The following GPHN variants were observed in gnomAD, a reference collection of about 807,000 sequenced individuals.
The protein encoded by GPHN is gephyrin.
GPHN carries 17 observed loss-of-function variants against 95.5 expected under a neutral mutation model. The observed-to-expected ratio is 0.18, with a 90% CI of 0.12 to 0.27. The LOEUF (loss-of-function observed/expected upper bound fraction) is 0.27. Ranked by LOEUF, GPHN falls within the 10% of genes least tolerant of loss-of-function variation. The pLI, the probability that GPHN is intolerant of heterozygous loss-of-function variation, is 1.00. For missense variants in GPHN, 660 were observed against 978.1 expected (o/e 0.67, Z 4.34); for synonymous variants, 320 against 322.5 (o/e 0.99, Z 0.08).
intron 1 of GPHN, among the ~76,000 whole-genome samples, chr14:66,667,035 C>T (rs2066003271): frequency 6.6e-6 from 1 of 152,196 alleles, no homozygotes; most frequent in Non-Finnish European, 1.5e-5. Flanking sequence ...CTCCCCTTTT[C>T]AGTTGCCACA....
the GPHN span, chr14:67,613,565 G>GGA: frequency 4.7e-6 from 1 of 210,672 alleles, no homozygotes; most frequent in African/African-American, 2.3e-5. Context: ...ACAGATCAAT[G>GGA]GAAACAAGAT....
In GPHN at chr14:66,596,153, A is replaced by G. The variant is rs564151338; in HGVS notation, c.65-84954A>G. Among the ~76,000 whole-genome samples, 8 of 152,020 alleles carry G rather than the reference A, an allele frequency of 5.3e-5. No individual in the cohort carries two copies. In the South Asian group the frequency reaches 1.7e-3, roughly 32 times the overall value. On this transcript the variant is annotated intron_variant, in intron 1 of 22. Coordinates refer to ENST00000478722, the MANE Select transcript of GPHN (RefSeq NM_020806.5). ...CAGTGGGTGGCTCTTTTCTGCTGGCAGATTGTCCTGTCATCTGCTTGAGTT... is the reference window on the plus strand; with the variant it reads ...CAGTGGGTGGCTCTTTTCTGCTGGCGGATTGTCCTGTCATCTGCTTGAGTT...
At chr14:66,925,956 G>T (rs1169970398) in intron 8 of GPHN, among the ~76,000 whole-genome samples, 1 of 152,140 alleles carries the variant, frequency 6.6e-6, no homozygotes, top group Non-Finnish European at 1.5e-5. Flanking sequence ...ACTGGGAAGA[G>T]ATGATATCTC....
chr14:66,894,776 A>C (rs1379027505), intron 5 of GPHN, among the ~76,000 whole-genome samples: 1 of 152,246 alleles, frequency 6.6e-6, no homozygotes, highest in African/African-American at 2.4e-5. Context: ...ATCACTGGCC[A>C]TCAGAGAAAT....
the GPHN span, among the ~76,000 whole-genome samples, chr14:67,356,311 C>G: frequency 2.0e-5 from 3 of 151,866 alleles, no homozygotes; most frequent in Non-Finnish European, 2.9e-5. Context: ...GTCCCAGCTA[C>G]TCAGGAGTCT....
intron 4 of GPHN, among the ~76,000 whole-genome samples, chr14:66,833,903 A>G (rs941984751): frequency 3.9e-5 from 6 of 152,184 alleles, no homozygotes; most frequent in Admixed American, 6.6e-5. Flanking sequence ...TACAAACTTT[A>G]TAATAGTGGA....
intron 1 of GPHN, among the ~76,000 whole-genome samples, chr14:66,535,602 T>C (rs1196871695): frequency 6.6e-6 from 1 of 152,200 alleles, no homozygotes; most frequent in Non-Finnish European, 1.5e-5. Flanking sequence ...GAACATGGAT[T>C]ATCTATCCAT....
chr14:67,380,792 C>T, the GPHN span: 1 of 1,315,378 alleles, frequency 7.6e-7, no homozygotes, highest in Admixed American at 2.4e-5. Context: ...ATGATTTTTA[C>T]AGTATTTTGC....
downstream of GPHN, among the ~76,000 whole-genome samples, chr14:67,185,630 A>G (rs1029034826): frequency 6.6e-6 from 1 of 152,198 alleles, no homozygotes; most frequent in African/African-American, 2.4e-5. Context: ...TTTTGGTTCT[A>G]TGTTTGGTTG....
chr14:66,747,621 A>T (rs933990966), intron 2 of GPHN, among the ~76,000 whole-genome samples: 6 of 151,856 alleles, frequency 4.0e-5, no homozygotes, highest in South Asian at 4.1e-4. Flanking sequence ...TAAAAAAAAA[A>T]AACAAAACTG....
chr14:67,593,951 TTC>T, the GPHN span: 1 of 1,605,768 alleles, frequency 6.2e-7, no homozygotes, highest in Non-Finnish European at 8.5e-7. Context: ...GATCATGCTG[TTC>T]TGAAGAGAGA....
At chr14:66,532,248 T>TG (rs1181496341) in intron 1 of GPHN, among the ~76,000 whole-genome samples, 2 of 152,196 alleles carry the variant, frequency 1.3e-5, no homozygotes, top group African/African-American at 4.8e-5. Context: ...TGGCATTTGT[T>TG]GGGGTTCTGA....
chr14:67,186,945 G>A, the GPHN span, among the ~76,000 whole-genome samples: 2 of 152,118 alleles, frequency 1.3e-5, no homozygotes, highest in Non-Finnish European at 2.9e-5. Flanking sequence ...TCTGAAAAAC[G>A]AAAATAAGCC....
At chr14:66,675,328 A>G (rs1217021208) in intron 1 of GPHN, among the ~76,000 whole-genome samples, 1 of 151,940 alleles carries the variant, frequency 6.6e-6, no homozygotes, top group Non-Finnish European at 1.5e-5. Context: ...TATTTTTAGT[A>G]GAGATGGGGT....
At chr14:67,279,379 G>C in the GPHN span, 4 of 1,613,898 alleles carry the variant, frequency 2.5e-6, no homozygotes, top group Non-Finnish European at 1.7e-6. Flanking sequence ...AGGCGTAGGA[G>C]AGAGGAAGAA....
At chr14:67,663,269 G>A in the GPHN span, 13 of 1,033,800 alleles carry the variant, frequency 1.3e-5, no homozygotes, top group South Asian at 2.0e-4. Flanking sequence ...TGTATTTTCT[G>A]ATAGTTTATA....
chr14:66,692,567 C>T (rs2153408108), intron 2 of GPHN, among the ~76,000 whole-genome samples: 1 of 152,248 alleles, frequency 6.6e-6, no homozygotes, highest in East Asian at 1.9e-4. Context: ...GGAGAGAGAA[C>T]ACAGAAAGCA....
At chr14:67,031,624 T>C (rs929678296) in intron 10 of GPHN, among the ~76,000 whole-genome samples, 9 of 152,192 alleles carry the variant, frequency 5.9e-5, no homozygotes, top group African/African-American at 2.2e-4. Flanking sequence ...GAAAAAAATA[T>C]TTTAGAGATT....
chr14:67,288,408 G>C, the GPHN span, among the ~76,000 whole-genome samples: 6 of 151,958 alleles, frequency 3.9e-5, no homozygotes, highest in African/African-American at 7.2e-5. Context: ...AATTACTAAA[G>C]ACCTTGCAAG....
Sources: gnomAD v4.1 joint callset for allele counts (sites outside exome capture counted in the v4.1 genomes callset) on GRCh38, gnomAD v4.1.1 for gene constraint, MANE v1.5 for transcripts, NCBI Gene and HGNC (gene_info 2026-07-23, HGNC 2026-07-21) for gene names.